CTCF: variants seen among roughly 807,000 people sequenced by gnomAD.
The protein encoded by CTCF is transcriptional repressor CTCF.
CTCF carries 7 observed loss-of-function variants against 72.3 expected under a neutral mutation model. That is an observed-to-expected ratio of 0.10 (90% confidence interval 0.06 to 0.18). CTCF has a LOEUF of 0.18. CTCF is among the 10% of genes least tolerant of loss of function. The pLI is 1.00. For missense variants in CTCF, 516 were observed against 949.1 expected, an observed-to-expected ratio of 0.54 and a Z score of 6.00; for synonymous variants, 374 against 315.8, an observed-to-expected ratio of 1.18 and a Z score of -1.95.
chr16:67,611,250 A>G lies in CTCF; in HGVS notation c.418A>G (p.Asn140Asp). The change falls in exon 3 of 12, where the codon AAT (asparagine) becomes GAT (aspartate). Residue 140 changes from asparagine (N) to aspartate (D), a missense_variant. This residue lies in a region of CTCF where 148 missense variants were observed against 194.9 expected (regional missense o/e 0.76). Transcript: ENST00000264010. Reference protein sequence around the residue: ...SVEELQGAYENEVSKEGLAES... With the variant: ...SVEELQGAYEDEVSKEGLAES... The stretch of plus-strand genomic sequence containing the variant: ...AGAAGAACTTCAGGGGGCTTATGAA[A>G]ATGAAGTGTCTAAAGAGGGCCTTGC... The G allele has an allele frequency of 6.2e-7, 1 of 1,614,176 alleles. No individual in the cohort carries two copies. Among genetic ancestry groups the G allele is most frequent in the Non-Finnish European group, 8.5e-7 (1 of 1,180,040 alleles).
chr16:67,575,679 G>GAACTCC (rs2051487017), intron 2 of CTCF, among the ~76,000 whole-genome samples: 1 of 151,962 alleles, frequency 6.6e-6, no homozygotes, highest in Non-Finnish European at 1.5e-5. Flanking sequence ...CTGACCTCAG[G>GAACTCC]TGATCCGCCC....
At chr16:67,602,842 C>CAAAA (rs75191313) in intron 2 of CTCF, among the ~76,000 whole-genome samples, 5 of 55,350 alleles carry the variant, frequency 9.0e-5, no homozygotes, top group East Asian at 1.0e-3. Context: ...ACTCCATCTC[C>CAAAA]AAAAAAAAAA....
At chr16:67,576,140 TAAAAAAA>T (rs561098313) in intron 2 of CTCF, among the ~76,000 whole-genome samples, 7 of 91,902 alleles carry the variant, frequency 7.6e-5, no homozygotes, top group East Asian at 6.4e-4. Context: ...GACCCTGTCT[TAAAAAAA>T]AAAAAAAAAA....
intron 2 of CTCF, among the ~76,000 whole-genome samples, chr16:67,595,277 C>T (rs2051796583): frequency 6.6e-6 from 1 of 152,062 alleles, no homozygotes; most frequent in African/African-American, 2.4e-5. Context: ...CCTGCTTCAG[C>T]TTCTCAAGTA....
intron 11 of CTCF, 131 bp downstream of exon 11, chr16:67,636,982 C>A: frequency 1.2e-6 from 1 of 828,214 alleles, no homozygotes; most frequent in South Asian, 3.1e-5. Flanking sequence ...CGAGAACAAA[C>A]TCTCAGGAAA....
chr16:67,633,207 C>G (rs1468659683), intron 10 of CTCF, among the ~76,000 whole-genome samples: 4 of 152,126 alleles, frequency 2.6e-5, no homozygotes, highest in African/African-American at 9.7e-5. Flanking sequence ...TTGTGGTAGA[C>G]TATAGGTTAC....
At chr16:67,582,161 A>G (rs2051591941) in intron 2 of CTCF, among the ~76,000 whole-genome samples, 1 of 151,408 alleles carries the variant, frequency 6.6e-6, no homozygotes, top group Non-Finnish European at 1.5e-5. Context: ...CAGTGAGCCG[A>G]GATCGTGCCA....
chr16:67,608,464 C>A (rs1194278170), intron 2 of CTCF, among the ~76,000 whole-genome samples: 1 of 152,030 alleles, frequency 6.6e-6, no homozygotes, highest in African/African-American at 2.4e-5. Context: ...TCTACAAACA[C>A]GGCCATTGCA....
chr16:67,619,727 G>T (rs918038711), intron 5 of CTCF, among the ~76,000 whole-genome samples: 1 of 152,098 alleles, frequency 6.6e-6, no homozygotes, highest in Non-Finnish European at 1.5e-5. Flanking sequence ...GAGACTACAG[G>T]CATGTGCCAT....
Position 67,628,438 on chromosome 16 carries a change from T to C in CTCF, c.1587T>C (p.Asp529=), listed in dbSNP as rs1352724686. ...AGCCTTACGCCTGCAGCCACTGCGATAAGACCTTCCGCCAGAAGCAGCTTC... is the reference window on the plus strand; with the variant it reads ...AGCCTTACGCCTGCAGCCACTGCGACAAGACCTTCCGCCAGAAGCAGCTTC... ...GEKPYACSHC[D]KTFRQKQLLD... Residue 529 remains aspartate, a synonymous_variant, in exon 9 of 12, where the codon GAT becomes GAC. Coordinates refer to ENST00000264010, the MANE Select transcript of CTCF (RefSeq NM_006565.4). 7 of 1,614,120 alleles carry C rather than the reference T, an allele frequency of 4.3e-6. No individual in the cohort carries two copies. The African/African-American group carries it at 8.0e-5, about 18-fold the overall frequency.
At chr16:67,578,897 G>A (rs970768409) in intron 2 of CTCF, among the ~76,000 whole-genome samples, 12 of 151,404 alleles carry the variant, frequency 7.9e-5, no homozygotes, top group Non-Finnish European at 1.8e-4. Flanking sequence ...GCAGTGAGCC[G>A]AGATTGCACC....
At chr16:67,568,893 A>G (rs546488131) in intron 1 of CTCF, among the ~76,000 whole-genome samples, 22 of 151,944 alleles carry the variant, frequency 1.4e-4, no homozygotes, top group Admixed American at 3.9e-4. Context: ...GCTGGAGTGC[A>G]GTGGTGTGAT....
At chr16:67,582,443 A>G (rs2051596420) in intron 2 of CTCF, among the ~76,000 whole-genome samples, 2 of 152,120 alleles carry the variant, frequency 1.3e-5, no homozygotes. Flanking sequence ...CTGTAATCCC[A>G]GTACTTTGTG....
At chr16:67,630,519 C>G (rs1256405182) in intron 10 of CTCF, among the ~76,000 whole-genome samples, 1 of 152,022 alleles carries the variant, frequency 6.6e-6, no homozygotes. Flanking sequence ...CTTTGGGAGA[C>G]AAAGATGGGC....
chr16:67,631,167 T>G (rs75410584), intron 10 of CTCF, among the ~76,000 whole-genome samples: 12,288 of 138,478 alleles, frequency 0.089, 995 homozygotes, highest in African/African-American at 0.19. Flanking sequence ...TTTTTTTTGT[T>G]TTTTGTTTTT....
chr16:67,581,140 G>A (rs2051575620), intron 2 of CTCF, among the ~76,000 whole-genome samples: 1 of 150,246 alleles, frequency 6.7e-6, no homozygotes, highest in Admixed American at 6.6e-5. Context: ...GTGTTAGCCA[G>A]GATGGTCTCG....
chr16:67,598,229 C>G (rs998783151), intron 2 of CTCF, among the ~76,000 whole-genome samples: 10 of 152,182 alleles, frequency 6.6e-5, no homozygotes, highest in Admixed American at 5.9e-4. Context: ...CCACTCTCCT[C>G]AGCCTCCCAA....
chr16:67,579,063 T>C (rs1403642751), intron 2 of CTCF, among the ~76,000 whole-genome samples: 3 of 151,842 alleles, frequency 2.0e-5, no homozygotes, highest in Non-Finnish European at 2.9e-5. Context: ...AAGACCAGCC[T>C]GACCAACATG....
chr16:67,630,313 TC>T lies in CTCF; in HGVS notation c.1837+781del, dbSNP rs1199538696. On this transcript the variant is annotated intron_variant, in intron 10 of 11. Transcript: ENST00000264010. ...TCAGCCTAACCTTGAGAGGTGCTGA[TC>T]AAGTCAGTGAAGGTCAGCCTTTCTC... Among the ~76,000 whole-genome samples, 3 of 152,288 alleles carry T rather than the reference TC, an allele frequency of 2.0e-5. No individual in the cohort carries two copies. The East Asian group carries it at 5.8e-4, about 29-fold the overall frequency.
Sources: gnomAD v4.1 joint callset for allele counts (sites outside exome capture counted in the v4.1 genomes callset) on GRCh38, gnomAD v4.1.1 for gene constraint, gnomAD v4.1.1 regional missense constraint, MANE v1.5 for transcripts, NCBI Gene and HGNC (gene_info 2026-07-23, HGNC 2026-07-21) for gene names.